TMEM65: variants seen among roughly 807,000 people sequenced by gnomAD.
TMEM65 encodes transmembrane protein 65.
Under a neutral mutation model 25.4 loss-of-function variants are expected in TMEM65, and 22 were observed. The ratio of observed to expected loss-of-function variants is 0.86; its 90% CI spans 0.62 to 1.23. The LOEUF (loss-of-function observed/expected upper bound fraction) is 1.23, where lower values mean the gene tolerates loss of function less well. TMEM65 is among the 50% of genes most tolerant of loss of function. The probability of loss-of-function intolerance (pLI) is 0.00; values close to 1 mark genes in which losing one functional copy is unlikely to be tolerated. For synonymous variants in TMEM65, 132 were observed against 126.2 expected, an observed-to-expected ratio of 1.05 and a Z score of -0.31; for missense variants, 262 against 308.2, an observed-to-expected ratio of 0.85 and a Z score of 1.12.
chr8:124,368,510 T>C (rs1465443764), intron 1 of TMEM65, among the ~76,000 whole-genome samples: 1 of 152,102 alleles, frequency 6.6e-6, no homozygotes, highest in East Asian at 1.9e-4. Flanking sequence ...ACTAAGACTG[T>C]GTTATAAAAG....
In TMEM65 at chr8:124,310,240, T is replaced by A. The variant is rs1304592500; in HGVS notation, c.*3720A>T. 6.6e-6 allele frequency: 1 copy of A among 152,266 alleles called. No homozygotes were observed. The highest frequency in any genetic ancestry group is 6.5e-5 in the Admixed American group (1 of 15,284). The allele number at this position is 152,266 out of a possible 1,614,324, so 9.4% of individuals were successfully genotyped here. The stretch of plus-strand genomic sequence containing the variant: ...AATAAGCTTCATGAGGGTACAGATG[T>A]TCTGGTTGTTCACTCAGTGCCTTGA... On this transcript the variant is annotated 3_prime_UTR_variant, in exon 7 of 7. Transcript: ENST00000297632.
At chr8:124,316,171 C>A (rs781782127) in intron 6 of TMEM65, among the ~76,000 whole-genome samples, 5 of 152,146 alleles carry the variant, frequency 3.3e-5, no homozygotes, top group Non-Finnish European at 5.9e-5. Flanking sequence ...GATCCAGGAC[C>A]TGAAACAAAT....
In TMEM65 at chr8:124,313,931, T is replaced by C; in HGVS notation, c.*29A>G. On this transcript the variant is annotated 3_prime_UTR_variant, in exon 7 of 7. Coordinates refer to ENST00000297632, the MANE Select transcript of TMEM65 (RefSeq NM_194291.3). ...ATTTAATTACTGAGGTACATTAGTT[T>C]ACATCTTTTTATAGGTATTCTAAGA... The C allele has an allele frequency of 6.8e-7, 1 of 1,477,496 alleles. No homozygotes were observed. The highest frequency in any genetic ancestry group is 9.4e-7 in the Non-Finnish European group (1 of 1,060,198). 91.5% of individuals were successfully genotyped at this position (1,477,496 alleles called of 1,614,324 possible). A position where few individuals can be genotyped will look rare whatever the true frequency, so the allele number is the denominator to read the frequency against.
chr8:124,353,181 G>A (rs1814735529), intron 1 of TMEM65, among the ~76,000 whole-genome samples: 1 of 152,092 alleles, frequency 6.6e-6, no homozygotes, highest in African/African-American at 2.4e-5. Flanking sequence ...ACACACTAAG[G>A]GGAAGGGATT....
At chr8:124,329,184 G>A (rs563179537) in intron 2 of TMEM65, among the ~76,000 whole-genome samples, 1 of 151,810 alleles carries the variant, frequency 6.6e-6, no homozygotes, top group Non-Finnish European at 1.5e-5. Flanking sequence ...TTAATAAAAT[G>A]GGATTTTTTT....
Position 124,330,803 on chromosome 8 carries a change from G to A in TMEM65, c.305-11C>T, listed in dbSNP as rs992273984. The A allele has an allele frequency of 4.4e-6, 7 of 1,578,324 alleles. No individual in the cohort carries two copies. In the African/African-American group the frequency reaches 9.8e-5, roughly 22 times the overall value. ...GAGCTTCCAATTTTTCTAAAGGGGAGAAAAAGGATGTGGGGCAAGAATTAG... is the reference window on the plus strand; with the variant it reads ...GAGCTTCCAATTTTTCTAAAGGGGAAAAAAAGGATGTGGGGCAAGAATTAG... On this transcript the variant is annotated splice_polypyrimidine_tract_variant and intron_variant, in intron 1 of 6. Coordinates refer to ENST00000297632, the MANE Select transcript of TMEM65 (RefSeq NM_194291.3).
chr8:124,329,081 T>C (rs1814401518), intron 2 of TMEM65, among the ~76,000 whole-genome samples: 1 of 150,624 alleles, frequency 6.6e-6, no homozygotes, highest in South Asian at 2.1e-4. Flanking sequence ...AATTTCGTCT[T>C]GTTTTAAGTA....
chr8:124,333,134 T>C (rs1814455458), intron 1 of TMEM65, among the ~76,000 whole-genome samples: 1 of 151,620 alleles, frequency 6.6e-6, no homozygotes. Flanking sequence ...TTATTCTTTC[T>C]TATGTTAACT....
chr8:124,359,615 G>A (rs113591744), intron 1 of TMEM65, among the ~76,000 whole-genome samples: 11,208 of 151,872 alleles, frequency 0.074, 442 homozygotes, highest in African/African-American at 0.1. Context: ...GGTAGTACAC[G>A]CCTGTGATCC....
rs539621828 is a variant in TMEM65 at position 124,332,951 on chromosome 8, G to A, written c.305-2159C>T. 3.2e-3 allele frequency among the ~76,000 whole-genome samples: 487 copies of A among 152,018 alleles called. 4 individuals are homozygous for A. The highest frequency in any genetic ancestry group is 3.1e-3 in the Non-Finnish European group (208 of 67,938). ...CTCCCGAGTAGCTGGGACTACAGGT[G>A]TGTGCCACCACACCTGGCTAATTTT... is the stretch of plus-strand genomic sequence containing the variant. On this transcript the variant is annotated intron_variant, in intron 1 of 6. Transcript: ENST00000297632.
intron 6 of TMEM65, among the ~76,000 whole-genome samples, chr8:124,316,114 A>G (rs1309138901): frequency 1.3e-5 from 2 of 152,170 alleles, no homozygotes; most frequent in African/African-American, 2.4e-5. Context: ...TATAATGTCA[A>G]TAGGGTGGAG....
In TMEM65 at chr8:124,365,443, T is replaced by C. The variant is rs184886245; in HGVS notation, c.304+6411A>G. 9.4e-3 allele frequency among the ~76,000 whole-genome samples: 1,436 copies of C among 152,320 alleles called. 29 individuals are homozygous for C. The highest frequency in any genetic ancestry group is 0.017 in the Middle Eastern group (5 of 294). On this transcript the variant is annotated intron_variant, in intron 1 of 6. Coordinates refer to ENST00000297632, the MANE Select transcript of TMEM65 (RefSeq NM_194291.3). ...ATCTGAACTGGTTTTAGTGACTTGC[T>C]TGACCATTACATGCAGCAGAAATAA... is the stretch of plus-strand genomic sequence containing the variant.
intron 1 of TMEM65, among the ~76,000 whole-genome samples, chr8:124,338,679 T>C (rs1478461762): frequency 6.6e-6 from 1 of 152,232 alleles, no homozygotes. Context: ...ATATCTCCTC[T>C]TTATTATACT....
At chr8:124,323,459 C>T in intron 3 of TMEM65, 84 bp from the exon 4 acceptor site, 1 of 679,120 alleles carries the variant, frequency 1.5e-6, no homozygotes, top group East Asian at 3.2e-5. Flanking sequence ...AAAACAGATA[C>T]AAGTTAAATC....
intron 1 of TMEM65, among the ~76,000 whole-genome samples, chr8:124,366,853 G>A (rs927919604): frequency 4.6e-5 from 7 of 152,084 alleles, no homozygotes; most frequent in African/African-American, 1.7e-4. Context: ...CTGTAATTAG[G>A]TTCTTTCCAT....
intron 1 of TMEM65, among the ~76,000 whole-genome samples, chr8:124,370,143 T>G (rs1814993785): frequency 6.6e-6 from 1 of 152,114 alleles, no homozygotes; most frequent in South Asian, 2.1e-4. Flanking sequence ...TTATCTTTAT[T>G]AGGAAATGTA....
intron 1 of TMEM65, chr8:124,350,884 T>A (rs2131219385): frequency 2.0e-6 from 1 of 488,962 alleles, no homozygotes; most frequent in East Asian, 1.5e-4. Context: ...AATCCTTCAG[T>A]TAGTTGAGCA....
At chr8:124,343,290 A>T (rs368291487) in intron 1 of TMEM65, among the ~76,000 whole-genome samples, 15 of 152,272 alleles carry the variant, frequency 9.9e-5, no homozygotes, top group African/African-American at 3.4e-4. Flanking sequence ...TGGAAGTCCT[A>T]TGTCCCTGAT....
chr8:124,354,332 C>T (rs1446680949), intron 1 of TMEM65, among the ~76,000 whole-genome samples: 4 of 152,172 alleles, frequency 2.6e-5, no homozygotes, highest in East Asian at 3.8e-4. Flanking sequence ...ATTTGAATGA[C>T]ATCAGAGTAT....
Sources: allele counts gnomAD v4.1 joint callset (sites outside exome capture counted in the v4.1 genomes callset), GRCh38; gene constraint gnomAD v4.1.1; transcripts MANE v1.5; gene names NCBI Gene and HGNC (gene_info 2026-07-23, HGNC 2026-07-21).